RUBCNL: variants seen among roughly 807,000 people sequenced by gnomAD.
RUBCNL encodes the protein protein associated with UVRAG as autophagy enhancer.
A neutral mutation model predicts 69.5 loss-of-function variants in RUBCNL; 62 were observed. The observed-to-expected ratio is 0.89, with a 90% CI of 0.73 to 1.10. The LOEUF is 1.10. RUBCNL is among the 50% of genes least tolerant of loss of function. The pLI is 0.00. For missense variants in RUBCNL, 768 were observed against 798.1 expected (o/e 0.96, Z 0.45); for synonymous variants, 291 against 303.6 (o/e 0.96, Z 0.43).
intron 12 of RUBCNL, 72 bp from the exon 13 acceptor site, chr13:46,345,672 GTTT>G (rs1262964031): frequency 6.8e-7 from 1 of 1,470,794 alleles, no homozygotes; most frequent in Non-Finnish European, 9.2e-7. Context: ...GGGGCCAGTT[GTTT>G]TCTCTTGGCA....
In RUBCNL at chr13:46,372,045, C is replaced by T. The variant is rs199845965; in HGVS notation, c.431G>A (p.Arg144Gln). Residue 144 changes from arginine (R) to glutamine (Q), a missense_variant, in exon 3 of 15, where the codon CGG becomes CAG. Transcript: ENST00000429979. Reference sequence around the variant, plus strand: ...CCCAGGGCTTGTGGGCAGAGACACCCGATGAGAGTATCCTGGGCGGACCAT... The same window carrying T: ...CCCAGGGCTTGTGGGCAGAGACACCTGATGAGAGTATCCTGGGCGGACCAT... ...VHMVRPGYSHRVSLPTSPGIL... is the reference protein window; with the variant it reads ...VHMVRPGYSHQVSLPTSPGIL... 14 of 1,613,954 alleles carry T rather than the reference C, an allele frequency of 8.7e-6. No homozygotes were observed. In the East Asian group the frequency reaches 2.2e-4, roughly 26 times the overall value.
chr13:46,364,239 C>T (rs2138765486), intron 5 of RUBCNL, among the ~76,000 whole-genome samples: 1 of 151,350 alleles, frequency 6.6e-6, no homozygotes, highest in East Asian at 2.0e-4. Context: ...ACTAAAAATA[C>T]AAAAAAAATT....
chr13:46,367,485 G>A (rs1389729535), intron 5 of RUBCNL, among the ~76,000 whole-genome samples: 1 of 152,164 alleles, frequency 6.6e-6, no homozygotes, highest in Non-Finnish European at 1.5e-5. Flanking sequence ...TGAAGTCCAA[G>A]ATTAAAAGAA....
intron 5 of RUBCNL, among the ~76,000 whole-genome samples, chr13:46,366,224 C>A (rs2048752022): frequency 6.6e-6 from 1 of 152,168 alleles, no homozygotes; most frequent in African/African-American, 2.4e-5. Flanking sequence ...TCTGACCAAC[C>A]AGTTATGGAC....
Position 46,346,662 on chromosome 13 carries a change from T to A in RUBCNL, c.1632-1062A>T, listed in dbSNP as rs184404220. On this transcript the variant is annotated intron_variant, in intron 12 of 14. Coordinates refer to ENST00000429979, the MANE Select transcript of RUBCNL (RefSeq NM_025113.5). ...TGAGACCAATGCCACGCCAAGGCCA[T>A]GAAGCAAAGGCTCAAAACCAAATGA... Among the ~76,000 whole-genome samples the A allele has an allele frequency of 1.7e-3, 261 of 152,286 alleles. 3 individuals are homozygous for A. The highest frequency in any genetic ancestry group is 2.3e-3 in the East Asian group (12 of 5,188).
chr13:46,346,463 C>T (rs962579949), intron 12 of RUBCNL, among the ~76,000 whole-genome samples: 6 of 152,196 alleles, frequency 3.9e-5, no homozygotes, highest in African/African-American at 9.7e-5. Context: ...GGTCCCCCGA[C>T]ACGTGTCTAA....
chr13:46,387,925 T>G (rs116108033), upstream of RUBCNL: 56 of 904,308 alleles, frequency 6.2e-5, no homozygotes, highest in African/African-American at 9.7e-4. Flanking sequence ...ACCTAAGCTC[T>G]GGCCGGGTGC....
rs1566065280 is a variant in RUBCNL, at chr13:46,349,345, T to C, written c.1572A>G (p.Glu524=). Residue 524 remains glutamate (E), a splice_region_variant and synonymous_variant, in exon 12 of 15, where the codon GAA becomes GAG. Transcript: ENST00000429979. The part of the protein sequence containing the change: ...AKAKELDRVK[E]IQEQLFHIKK... ...TGATATGGAAGAGCTGCTCCTGAAT[T>C]TCCTAATGGGAGAAACCAAACACGG... is the stretch of plus-strand genomic sequence containing the variant. 2 of 1,613,660 alleles carry C rather than the reference T, an allele frequency of 1.2e-6. No individual in the cohort carries two copies. Among genetic ancestry groups the C allele is most frequent in the Middle Eastern group, 3.3e-4 (2 of 6,060 alleles).
Position 46,367,412 on chromosome 13 carries a change from A to G in RUBCNL, c.826+630T>C, listed in dbSNP as rs7997249. Among the ~76,000 whole-genome samples the G allele has an allele frequency of 5.8e-3, 885 of 152,354 alleles. 9 individuals carry two copies. Among genetic ancestry groups the G allele is most frequent in the African/African-American group, 0.02 (823 of 41,584 alleles). On this transcript the variant is annotated intron_variant, in intron 5 of 14. Coordinates refer to ENST00000429979, the MANE Select transcript of RUBCNL (RefSeq NM_025113.5). ...AGAACAGCTAGGAGAATGCCATGTG[A>G]CAGAAAACAAAGGACGAGGAGACAT...
chr13:46,359,935 C>T (rs2048574932), intron 8 of RUBCNL, among the ~76,000 whole-genome samples: 2 of 152,106 alleles, frequency 1.3e-5, no homozygotes, highest in Admixed American at 1.3e-4. Flanking sequence ...ATAGCAGAAG[C>T]CTCACCCCTC....
At chr13:46,361,690 A>C in intron 7 of RUBCNL, 117 bp from the exon 8 acceptor site, 1 of 981,838 alleles carries the variant, frequency 1.0e-6, no homozygotes, top group Non-Finnish European at 1.5e-6. Context: ...AGGCTGTCAT[A>C]TGAGATGACG....
chr13:46,357,768 C>T (rs1399297307), intron 9 of RUBCNL, among the ~76,000 whole-genome samples: 7 of 151,614 alleles, frequency 4.6e-5, no homozygotes, highest in East Asian at 2.0e-4. Context: ...TAGCTAGGAC[C>T]ACAGGCATGC....
intron 9 of RUBCNL, among the ~76,000 whole-genome samples, chr13:46,356,744 C>T (rs1284554260): frequency 2.6e-5 from 4 of 151,884 alleles, no homozygotes; most frequent in African/African-American, 7.3e-5. Context: ...TGCTCTGTCA[C>T]GCAGGCTGGA....
intron 14 of RUBCNL, among the ~76,000 whole-genome samples, chr13:46,343,985 G>C (rs533739311): frequency 3.9e-4 from 59 of 152,270 alleles, no homozygotes; most frequent in South Asian, 8.3e-4. Context: ...AGAGCTCCCC[G>C]TGAGATGAGC....
chr13:46,372,201 G>A lies in RUBCNL; in HGVS notation c.275C>T (p.Pro92Leu). 6.2e-7 allele frequency: 1 copy of A among 1,614,044 alleles called. No individual in the cohort carries two copies. The highest frequency in any genetic ancestry group is 8.5e-7 in the Non-Finnish European group (1 of 1,179,892). ...TGCCAGGGAGTCCCCGAGGCACGAA[G>A]GTGAAGGGCCTGAGGGAGAGGCAGC... ...TDAASPSGPS[P>L]SCLGDSLAET... The change falls in exon 3 of 15, where the codon CCT (proline) becomes CTT (leucine). Residue 92 changes from proline to leucine, a missense_variant. Coordinates refer to ENST00000429979, the MANE Select transcript of RUBCNL (RefSeq NM_025113.5).
At chr13:46,385,728 TGTTCCTTGTATCAAAAAACAAGAACTCA>T (rs1380803529) in intron 1 of RUBCNL, among the ~76,000 whole-genome samples, 1 of 150,488 alleles carries the variant, frequency 6.6e-6, no homozygotes, top group African/African-American at 2.4e-5. Context: ...TCCGACAGAA[TGTTCCTTGTATCAAAAAACAAGAACTCA>T]GCCAACAATG....
chr13:46,366,725 T>C (rs1309640017), intron 5 of RUBCNL, among the ~76,000 whole-genome samples: 1 of 152,122 alleles, frequency 6.6e-6, no homozygotes, highest in East Asian at 1.9e-4. Context: ...TGGTTTTCTT[T>C]GGAAAGAAGG....
intron 5 of RUBCNL, 68 bp downstream of exon 5, chr13:46,367,974 G>C: frequency 7.0e-7 from 1 of 1,430,658 alleles, no homozygotes; most frequent in Non-Finnish European, 9.8e-7. Context: ...CCGTGGATAA[G>C]GGGTAATTAT....
At chr13:46,345,085 TG>T (rs1430510236) in intron 13 of RUBCNL, among the ~76,000 whole-genome samples, 1 of 152,212 alleles carries the variant, frequency 6.6e-6, no homozygotes, top group Non-Finnish European at 1.5e-5. Flanking sequence ...CACTCTGAAA[TG>T]ATCTAATTTC....
Sources: allele counts gnomAD v4.1 joint callset (sites outside exome capture counted in the v4.1 genomes callset), GRCh38; gene constraint gnomAD v4.1.1; transcripts MANE v1.5; gene names NCBI Gene and HGNC (gene_info 2026-07-23, HGNC 2026-07-21).